Variants in FGF14 observed in about 807,000 individuals in gnomAD.
The protein encoded by FGF14 is fibroblast growth factor 14, also known as fibroblast growth factor homologous factor 4.
In FGF14, 5 loss-of-function variants were observed where a neutral mutation model predicts 25.5. That is an observed-to-expected ratio of 0.20 (90% CI 0.10 to 0.41). The LOEUF (loss-of-function observed/expected upper bound fraction) is 0.41. Ranked by LOEUF, FGF14 falls within the 10% of genes least tolerant of loss-of-function variation. The pLI, the probability that FGF14 is intolerant of heterozygous loss-of-function variation, is 1.00. For missense variants in FGF14, 222 were observed against 320.1 expected, an observed-to-expected ratio of 0.69 and a Z score of 2.34; for synonymous variants, 138 against 118.3, an observed-to-expected ratio of 1.17 and a Z score of -1.08.
intron 1 of FGF14, among the ~76,000 whole-genome samples, chr13:101,995,255 G>T (rs760617872): frequency 6.6e-6 from 1 of 151,998 alleles, no homozygotes; most frequent in Non-Finnish European, 1.5e-5. Flanking sequence ...TATGTTTTAT[G>T]TGTGTGCCAC....
chr13:102,078,333 G>T (rs1024149931), intron 1 of FGF14, among the ~76,000 whole-genome samples: 6 of 152,142 alleles, frequency 3.9e-5, no homozygotes, highest in Non-Finnish European at 8.8e-5. Context: ...TAATTAGCTT[G>T]ATTTAACCAT....
At chr13:102,151,813 A>G (rs185658054) in intron 1 of FGF14, among the ~76,000 whole-genome samples, 1 of 152,160 alleles carries the variant, frequency 6.6e-6, no homozygotes, top group African/African-American at 2.4e-5. Flanking sequence ...TTTTACCTTC[A>G]AGTAAACAGT....
rs552351753 is a variant in FGF14 at position 101,872,410 on chromosome 13, C to T, written c.304+2776G>A. 4.6e-5 allele frequency among the ~76,000 whole-genome samples: 7 copies of T among 151,898 alleles called. No individual in the cohort carries two copies. In the East Asian group the frequency reaches 1.4e-3, roughly 30 times the overall value. ...AGGAAACTATATGATTATTACATCA[C>T]CTCTGTCCTCACAACAAAAGAGCTG... is the stretch of plus-strand genomic sequence containing the variant. On this transcript the variant is annotated intron_variant, in intron 2 of 4. Coordinates refer to ENST00000376143, the MANE Select transcript of FGF14 (RefSeq NM_004115.4).
chr13:101,867,453 C>T (rs2044770203), intron 3 of FGF14, among the ~76,000 whole-genome samples: 1 of 152,146 alleles, frequency 6.6e-6, no homozygotes, highest in African/African-American at 2.4e-5. Context: ...CTAGAAGCTA[C>T]AGTAGACACT....
At chr13:101,894,596 T>C (rs1167769974) in intron 1 of FGF14, among the ~76,000 whole-genome samples, 1 of 152,202 alleles carries the variant, frequency 6.6e-6, no homozygotes, top group East Asian at 1.9e-4. Flanking sequence ...CAAGAGGCTC[T>C]TTATAGCATG....
At chr13:101,771,479 TG>T (rs2038766088) in intron 3 of FGF14, among the ~76,000 whole-genome samples, 1 of 152,128 alleles carries the variant, frequency 6.6e-6, no homozygotes, top group African/African-American at 2.4e-5. Flanking sequence ...CCAATTTTGT[TG>T]AGTAGTAAGT....
chr13:102,336,789 T>C (rs979392630), intron 1 of FGF14, among the ~76,000 whole-genome samples: 1 of 152,162 alleles, frequency 6.6e-6, no homozygotes, highest in African/African-American at 2.4e-5. Flanking sequence ...AATTCATCAT[T>C]CTGAAAATCC....
At chr13:102,146,735 T>C (rs930087632) in intron 1 of FGF14, among the ~76,000 whole-genome samples, 1 of 152,204 alleles carries the variant, frequency 6.6e-6, no homozygotes, top group Non-Finnish European at 1.5e-5. Flanking sequence ...AAACTGCCTG[T>C]GTTTAATTAA....
chr13:101,864,910 A>AC (rs2044618145), intron 3 of FGF14, among the ~76,000 whole-genome samples: 1 of 152,108 alleles, frequency 6.6e-6, no homozygotes, highest in South Asian at 2.1e-4. Context: ...AGAATTGTAA[A>AC]CCCCATAATT....
chr13:101,899,018 A>G (rs1393709515), intron 1 of FGF14, among the ~76,000 whole-genome samples: 1 of 152,230 alleles, frequency 6.6e-6, no homozygotes. Flanking sequence ...ATTAGAGTTC[A>G]AGGCTTGCCA....
At chr13:102,065,695 A>G (rs2042874909) in intron 1 of FGF14, among the ~76,000 whole-genome samples, 1 of 152,070 alleles carries the variant, frequency 6.6e-6, no homozygotes, top group African/African-American at 2.4e-5. Context: ...TGCAGATTCA[A>G]CCAAACATGG....
chr13:102,146,398 C>A (rs961016457), intron 1 of FGF14, among the ~76,000 whole-genome samples: 2 of 152,112 alleles, frequency 1.3e-5, no homozygotes, highest in Admixed American at 6.5e-5. Flanking sequence ...CATGGGTTTA[C>A]AGAAATAAAA....
intron 1 of FGF14, among the ~76,000 whole-genome samples, chr13:102,036,233 T>C (rs968173498): frequency 2.0e-5 from 3 of 152,134 alleles, no homozygotes; most frequent in Admixed American, 2.0e-4. Context: ...ACATTTCTTA[T>C]GTCAACATCA....
At chr13:102,006,946 T>A (rs1334723783) in intron 1 of FGF14, among the ~76,000 whole-genome samples, 7 of 150,876 alleles carry the variant, frequency 4.6e-5, no homozygotes, top group African/African-American at 1.7e-4. Context: ...GGGTTTCACC[T>A]TGTTAGCCAG....
chr13:102,041,527 T>TA (rs34550413), intron 1 of FGF14, among the ~76,000 whole-genome samples: 6,895 of 123,728 alleles, frequency 0.056, 411 homozygotes, highest in African/African-American at 0.16. Context: ...GTGAATTCCT[T>TA]AAAAAAAAAA....
intron 1 of FGF14, among the ~76,000 whole-genome samples, chr13:102,115,465 CTGA>C (rs1256546898): frequency 2.0e-5 from 3 of 152,178 alleles, no homozygotes; most frequent in Admixed American, 1.3e-4. Context: ...TTGTATTTCT[CTGA>C]TGATTAGTGA....
At chr13:102,249,549 G>GGTGT (rs55773652) in intron 1 of FGF14, among the ~76,000 whole-genome samples, 24,279 of 150,284 alleles carry the variant, frequency 0.16, 2,006 homozygotes, top group Non-Finnish European at 0.19. Context: ...TACTGAGAGG[G>GGTGT]GTGTGTGTGT....
chr13:101,725,738 G>A (rs2035374966), intron 4 of FGF14, among the ~76,000 whole-genome samples: 1 of 152,004 alleles, frequency 6.6e-6, no homozygotes, highest in South Asian at 2.1e-4. Flanking sequence ...AGTTATTGTA[G>A]ATCTGATCTT....
intron 1 of FGF14, among the ~76,000 whole-genome samples, chr13:102,309,374 G>C (rs1195375128): frequency 2.0e-5 from 3 of 152,160 alleles, no homozygotes; most frequent in African/African-American, 4.8e-5. Flanking sequence ...GCTAGGTAAA[G>C]GCATTCACTT....
Sources: allele counts gnomAD v4.1 joint callset (sites outside exome capture counted in the v4.1 genomes callset), GRCh38; gene constraint gnomAD v4.1.1; transcripts MANE v1.5; gene names NCBI Gene and HGNC (gene_info 2026-07-23, HGNC 2026-07-21).